NXPE4: variants seen among roughly 807,000 people sequenced by gnomAD.
The protein encoded by NXPE4 is neurexophilin and PC-esterase domain family member 4, also known as NXPE family member 4.
Under a neutral mutation model 33.3 loss-of-function variants are expected in NXPE4, and 42 were observed. The observed-to-expected ratio is 1.26, with a 90% CI of 0.98 to 1.63. NXPE4 has a LOEUF of 1.63. Ranked by LOEUF, NXPE4 falls within the 40% of genes most tolerant of loss-of-function variation. The pLI is 0.00. For missense variants in NXPE4, 709 were observed against 647.6 expected (o/e 1.09, Z -1.03); for synonymous variants, 253 against 234.9 (o/e 1.08, Z -0.71).
At chr11:114,584,302 A>G in intron 2 of NXPE4, 1 of 512,142 alleles carries the variant, frequency 2.0e-6, no homozygotes, top group Non-Finnish European at 4.0e-6. Flanking sequence ...TCCTTCCAAT[A>G]TGACTAACCA....
At chr11:114,650,904 G>A in the NXPE4 span, among the ~76,000 whole-genome samples, 1 of 152,100 alleles carries the variant, frequency 6.6e-6, no homozygotes, top group African/African-American at 2.4e-5. Flanking sequence ...AGCTGGTGGA[G>A]GGGCAGCCTG....
chr11:114,605,183 C>T, the NXPE4 span, among the ~76,000 whole-genome samples: 1 of 151,786 alleles, frequency 6.6e-6, no homozygotes. Flanking sequence ...TTGTGAGAAA[C>T]CACTCTTACC....
chr11:114,594,972 T>C (rs1949547343), intron 1 of NXPE4, among the ~76,000 whole-genome samples: 1 of 152,138 alleles, frequency 6.6e-6, no homozygotes. Flanking sequence ...TTGTACATTC[T>C]ACAGAACAGA....
the NXPE4 span, among the ~76,000 whole-genome samples, chr11:114,670,869 G>A: frequency 6.6e-6 from 1 of 151,328 alleles, no homozygotes; most frequent in Non-Finnish European, 1.5e-5. Context: ...GAAAACGCAG[G>A]CAATGGAAAC....
chr11:114,591,432 G>C (rs1006383751), intron 2 of NXPE4, among the ~76,000 whole-genome samples: 1 of 152,144 alleles, frequency 6.6e-6, no homozygotes, highest in African/African-American at 2.4e-5. Flanking sequence ...TGCATTGTAA[G>C]GGACATCAGA....
chr11:114,647,379 T>C, the NXPE4 span, among the ~76,000 whole-genome samples: 2,232 of 152,260 alleles, frequency 0.015, 42 homozygotes, highest in African/African-American at 0.051. Context: ...TTATATAAGA[T>C]AGAAGGAGTT....
chr11:114,571,063 G>T lies in NXPE4; in HGVS notation c.1510C>A (p.Gln504Lys), dbSNP rs374502869. 3 of 1,613,748 alleles carry T rather than the reference G, an allele frequency of 1.9e-6. No individual in the cohort carries two copies. The African/African-American group carries it at 4.0e-5, about 22-fold the overall frequency. The change falls in exon 6 of 6, where the codon CAG becomes AAG. Residue 504 changes from glutamine (Q) to lysine (K), a missense_variant. Gln to Lys is a moderately conservative substitution (Grantham distance 53). Coordinates refer to ENST00000375478, the MANE Select transcript of NXPE4 (RefSeq NM_001077639.2). ...TCAATGATACTCACACTGAGATCCT[G>T]GAAAATGTCCTTTATGATGAGATAT... ...IQYLIIKDIF[Q>K]DLSVSIIDAW...
the NXPE4 span, among the ~76,000 whole-genome samples, chr11:114,630,120 C>CCA: frequency 6.6e-6 from 1 of 151,724 alleles, no homozygotes; most frequent in Admixed American, 6.6e-5. Context: ...AGATTCAATG[C>CCA]TGTACCCATC....
chr11:114,623,198 T>C, the NXPE4 span, among the ~76,000 whole-genome samples: 9 of 150,382 alleles, frequency 6.0e-5, no homozygotes, highest in Non-Finnish European at 8.9e-5. Flanking sequence ...AGGGTAACCA[T>C]TGTTACCCAG....
chr11:114,650,621 T>C, the NXPE4 span, among the ~76,000 whole-genome samples: 5 of 152,212 alleles, frequency 3.3e-5, no homozygotes, highest in African/African-American at 9.6e-5. Flanking sequence ...AAGACCTCTA[T>C]CCCTAGGGAA....
At chr11:114,593,566 A>G (rs141250251) in intron 2 of NXPE4, among the ~76,000 whole-genome samples, 2,583 of 152,262 alleles carry the variant, frequency 0.017, 62 homozygotes, top group African/African-American at 0.058. Flanking sequence ...ACACTTGTAC[A>G]CTGTTGGTGG....
chr11:114,601,694 T>TATA, the NXPE4 span, among the ~76,000 whole-genome samples: 1 of 68,554 alleles, frequency 1.5e-5, no homozygotes, highest in African/African-American at 6.8e-5. Flanking sequence ...TTATATATAT[T>TATA]TATAATTCTT....
At chr11:114,668,135 A>G in the NXPE4 span, among the ~76,000 whole-genome samples, 1 of 151,274 alleles carries the variant, frequency 6.6e-6, no homozygotes, top group Non-Finnish European at 1.5e-5. Context: ...GCCTGCTCTT[A>G]AGCTATTGGC....
chr11:114,662,542 C>G, the NXPE4 span, among the ~76,000 whole-genome samples: 1 of 152,142 alleles, frequency 6.6e-6, no homozygotes, highest in African/African-American at 2.4e-5. Flanking sequence ...GGGGAGCACA[C>G]AACTTTCTGA....
At chr11:114,610,498 T>C in the NXPE4 span, among the ~76,000 whole-genome samples, 3 of 151,904 alleles carry the variant, frequency 2.0e-5, no homozygotes, top group Non-Finnish European at 4.4e-5. Flanking sequence ...CAGTGGATAA[T>C]AAGTGTTGCC....
the NXPE4 span, among the ~76,000 whole-genome samples, chr11:114,656,522 A>G: frequency 2.6e-5 from 4 of 152,114 alleles, no homozygotes; most frequent in Non-Finnish European, 4.4e-5. Context: ...CAAGTTTTTC[A>G]TCTCTAAAAT....
At chr11:114,629,932 G>A in the NXPE4 span, among the ~76,000 whole-genome samples, 2 of 150,182 alleles carry the variant, frequency 1.3e-5, no homozygotes, top group South Asian at 4.2e-4. Context: ...TTGCTTCAAA[G>A]ATAATAAAAT....
At chr11:114,583,170 C>A (rs1213962775) in intron 2 of NXPE4, 149 bp from the exon 3 acceptor site, 1 of 872,166 alleles carries the variant, frequency 1.1e-6, no homozygotes, top group African/African-American at 1.7e-5. Flanking sequence ...ATACTATTAT[C>A]AATATTATTT....
the NXPE4 span, among the ~76,000 whole-genome samples, chr11:114,623,945 G>A: frequency 6.6e-6 from 1 of 152,060 alleles, no homozygotes; most frequent in South Asian, 2.1e-4. Flanking sequence ...GACCTCTGGG[G>A]TAACCACTGT....
Sources: allele counts gnomAD v4.1 joint callset (sites outside exome capture counted in the v4.1 genomes callset), GRCh38; gene constraint gnomAD v4.1.1; transcripts MANE v1.5; gene names NCBI Gene and HGNC (gene_info 2026-07-23, HGNC 2026-07-21).